The following MYH15 variants were observed in gnomAD, a reference collection of about 807,000 sequenced individuals.
MYH15 encodes myosin heavy chain 15, also known as myosin-15.
A neutral mutation model predicts 240.5 loss-of-function variants in MYH15; 227 were observed. The observed-to-expected ratio is 0.94, with a 90% CI of 0.85 to 1.05. MYH15 has a LOEUF of 1.05. MYH15 is among the 50% of genes least tolerant of loss of function. MYH15 has a pLI of 0.00. For missense variants in MYH15, 2,217 were observed against 2,247.5 expected, an observed-to-expected ratio of 0.99 and a Z score of 0.27; for synonymous variants, 785 against 796.7, an observed-to-expected ratio of 0.99 and a Z score of 0.25.
chr3:108,449,779 C>T (rs1248512731), intron 21 of MYH15, among the ~76,000 whole-genome samples: 1 of 151,676 alleles, frequency 6.6e-6, no homozygotes, highest in Non-Finnish European at 1.5e-5. Flanking sequence ...AAACTATAAA[C>T]AAGGAGAAGA....
At chr3:108,437,478 G>A in intron 25 of MYH15, 76 bp downstream of exon 25, 1 of 1,532,518 alleles carries the variant, frequency 6.5e-7, no homozygotes, top group Non-Finnish European at 8.8e-7. Flanking sequence ...GAGTCCTAAG[G>A]ATAAATGAAA....
At chr3:108,436,728 G>C (rs1244432695) in intron 25 of MYH15, among the ~76,000 whole-genome samples, 1 of 152,120 alleles carries the variant, frequency 6.6e-6, no homozygotes, top group African/African-American at 2.4e-5. Flanking sequence ...TAGTAGAGAT[G>C]GGGTTTCACC....
At chr3:108,443,597 G>A (rs1218531732) in intron 22 of MYH15, among the ~76,000 whole-genome samples, 1 of 152,126 alleles carries the variant, frequency 6.6e-6, no homozygotes, top group African/African-American at 2.4e-5. Flanking sequence ...CGAGGGCTAG[G>A]GAGGAGTAAC....
rs187144538 is a variant in MYH15 at position 108,474,845 on chromosome 3, C to A, written c.1233+1552G>T. The stretch of plus-strand genomic sequence containing the variant: ...TGATTCAAGTTTAGCTCAATGTAGT[C>A]TATTTTAACATGCGTGGAGCACTTA... On this transcript the variant is annotated intron_variant, in intron 12 of 40. Coordinates refer to ENST00000693548, the MANE Select transcript of MYH15 (RefSeq NM_014981.3). 3.4e-4 allele frequency among the ~76,000 whole-genome samples: 52 copies of A among 152,234 alleles called. No individual in the cohort carries two copies. The East Asian group carries it at 9.8e-3, about 29-fold the overall frequency.
At chr3:108,453,612 T>A (rs1480270553) in intron 21 of MYH15, among the ~76,000 whole-genome samples, 1 of 151,878 alleles carries the variant, frequency 6.6e-6, no homozygotes, top group Non-Finnish European at 1.5e-5. Context: ...CCAGGGGAGG[T>A]AACAAAGGGG....
In MYH15 at chr3:108,414,222, C is replaced by T. The variant is rs2082616254; in HGVS notation, c.4145+10G>A. On this transcript the variant is annotated intron_variant, in intron 30 of 40. Transcript: ENST00000693548. Reference sequence around the variant, plus strand: ...TAACTCCAGGTTAAGGATAGCCTTGCCCTACTCACTTGGCATCCTCCAAGT... The same window carrying T: ...TAACTCCAGGTTAAGGATAGCCTTGTCCTACTCACTTGGCATCCTCCAAGT... 1.2e-6 allele frequency: 2 copies of T among 1,612,230 alleles called. No homozygotes were observed. The highest frequency in any genetic ancestry group is 8.5e-7 in the Non-Finnish European group (1 of 1,178,564).
rs2082771687 is a variant in MYH15 at position 108,430,730 on chromosome 3, G to A, written c.3312+102C>T. ...TCTTTTCTGCCTCTGCCTGTGGTTGGCTAAGGGTATGAATACCTTGGCAGA... is the reference window on the plus strand; with the variant it reads ...TCTTTTCTGCCTCTGCCTGTGGTTGACTAAGGGTATGAATACCTTGGCAGA... On this transcript the variant is annotated intron_variant, in intron 26 of 40. Coordinates refer to ENST00000693548, the MANE Select transcript of MYH15 (RefSeq NM_014981.3). 7.3e-6 allele frequency: 6 copies of A among 820,284 alleles called. No individual in the cohort carries two copies. In the South Asian group the frequency reaches 1.1e-4, roughly 14 times the overall value. The allele number at this position is 820,284 out of a possible 1,614,324, so 50.8% of individuals were successfully genotyped here. A position where few individuals can be genotyped will look rare whatever the true frequency, so the allele number is the denominator to read the frequency against.
At chr3:108,390,748 T>C (rs2082417497) in intron 37 of MYH15, among the ~76,000 whole-genome samples, 2 of 152,322 alleles carry the variant, frequency 1.3e-5, no homozygotes, top group Non-Finnish European at 1.5e-5. Flanking sequence ...TTTGCTTCCA[T>C]TGGTGTTAAA....
At chr3:108,482,507 AT>A (rs1320661349) in intron 11 of MYH15, among the ~76,000 whole-genome samples, 1 of 152,238 alleles carries the variant, frequency 6.6e-6, no homozygotes, top group African/African-American at 2.4e-5. Flanking sequence ...AATAAAAACC[AT>A]TCTTTAAGAA....
intron 21 of MYH15, among the ~76,000 whole-genome samples, chr3:108,453,029 T>G (rs913728058): frequency 6.6e-6 from 1 of 152,204 alleles, no homozygotes; most frequent in Non-Finnish European, 1.5e-5. Context: ...TGCATTATAG[T>G]ATTTTCTGTA....
chr3:108,432,858 GT>G (rs147045821), intron 25 of MYH15, among the ~76,000 whole-genome samples: 2,351 of 152,264 alleles, frequency 0.015, 56 homozygotes, highest in African/African-American at 0.049. Context: ...CCAAGCAGAA[GT>G]TTGCTGCAGG....
chr3:108,456,725 G>T, intron 19 of MYH15, 41 bp downstream of exon 19: 1 of 1,420,164 alleles, frequency 7.0e-7, no homozygotes, highest in Non-Finnish European at 9.9e-7. Flanking sequence ...AAAACAGAAT[G>T]AACTGCCTCA....
At chr3:108,522,739 T>C (rs1350941673) in intron 1 of MYH15, among the ~76,000 whole-genome samples, 2 of 152,120 alleles carry the variant, frequency 1.3e-5, no homozygotes, top group African/African-American at 4.8e-5. Flanking sequence ...GCGTTTACTA[T>C]ACAGATGCTA....
At position 108,510,555 on chromosome 3, in the gene MYH15, A is replaced by G; in HGVS notation, c.-25T>C. ...TCTTTATTAAAGCAATCCACCAAAA[A>G]AAGGCCCTAAACGTGAGTAGGCAAG... is the stretch of plus-strand genomic sequence containing the variant. On this transcript the variant is annotated 5_prime_UTR_variant, in exon 1 of 41. Coordinates refer to ENST00000693548, the MANE Select transcript of MYH15 (RefSeq NM_014981.3). The G allele has an allele frequency of 6.2e-7, 1 of 1,613,166 alleles. No homozygotes were observed. Among genetic ancestry groups the G allele is most frequent in the Non-Finnish European group, 8.5e-7 (1 of 1,179,702 alleles).
At chr3:108,501,360 T>A (rs1174532672) in intron 3 of MYH15, among the ~76,000 whole-genome samples, 2 of 152,180 alleles carry the variant, frequency 1.3e-5, no homozygotes, top group African/African-American at 4.8e-5. Flanking sequence ...CATTCTTTTA[T>A]TTAATCCCCC....
In MYH15 at chr3:108,495,824, A is replaced by G. The variant is rs779160426; in HGVS notation, c.667T>C (p.Phe223Leu). 8.1e-6 allele frequency: 13 copies of G among 1,612,950 alleles called. No homozygotes were observed. The highest frequency in any genetic ancestry group is 1.1e-5 in the Non-Finnish European group (13 of 1,179,548). The change falls in exon 7 of 41, where the codon TTT becomes CTT. Residue 223 changes from phenylalanine to leucine, a missense_variant. Transcript: ENST00000693548. ...TTTCTCAGGGTTTTAGCATTTCCAA[A>G]TGCTTCCAAGATAGTATTCGCTTGC... ...IMQANTILEAFGNAKTLRNDN... is the reference protein window; with the variant it reads ...IMQANTILEALGNAKTLRNDN...
At chr3:108,491,961 C>A (rs1402534583) in intron 9 of MYH15, among the ~76,000 whole-genome samples, 1 of 152,102 alleles carries the variant, frequency 6.6e-6, no homozygotes, top group Non-Finnish European at 1.5e-5. Flanking sequence ...ACTCCCTGAG[C>A]CAGACACGGT....
intron 18 of MYH15, among the ~76,000 whole-genome samples, chr3:108,458,495 T>C (rs2083043137): frequency 6.6e-6 from 1 of 152,052 alleles, no homozygotes; most frequent in Non-Finnish European, 1.5e-5. Flanking sequence ...TTACAGGAGG[T>C]TAATAAAAAT....
chr3:108,508,944 A>C (rs1393972369), intron 1 of MYH15, among the ~76,000 whole-genome samples: 1 of 152,128 alleles, frequency 6.6e-6, no homozygotes, highest in East Asian at 1.9e-4. Flanking sequence ...CCCCACAGCA[A>C]TGGAGGAAGG....
Sources: gnomAD v4.1 joint callset for allele counts (sites outside exome capture counted in the v4.1 genomes callset) on GRCh38, gnomAD v4.1.1 for gene constraint, MANE v1.5 for transcripts, NCBI Gene and HGNC (gene_info 2026-07-23, HGNC 2026-07-21) for gene names.